Variants in CDH13 observed in about 807,000 individuals in gnomAD.
The protein encoded by CDH13 is cadherin-13.
Under a neutral mutation model 63.8 loss-of-function variants are expected in CDH13, and 24 were observed. That is an observed-to-expected ratio of 0.38 (90% CI 0.27 to 0.53). The LOEUF is 0.53. Among genes scored for constraint, CDH13 ranks in the 20% least tolerant of loss-of-function variants. CDH13 has a pLI of 0.85. For missense variants in CDH13, 1,049 were observed against 903.1 expected, an observed-to-expected ratio of 1.16 and a Z score of -2.07; for synonymous variants, 503 against 355.3, an observed-to-expected ratio of 1.42 and a Z score of -4.67.
At chr16:83,198,352 C>A (rs2038935126) in intron 4 of CDH13, among the ~76,000 whole-genome samples, 2 of 150,454 alleles carry the variant, frequency 1.3e-5, no homozygotes, top group Admixed American at 1.3e-4. Context: ...CACACACACA[C>A]AATCATGACC....
intron 7 of CDH13, among the ~76,000 whole-genome samples, chr16:83,563,058 C>A (rs539611940): frequency 6.6e-6 from 1 of 152,198 alleles, no homozygotes; most frequent in Non-Finnish European, 1.5e-5. Flanking sequence ...CTACAAGATT[C>A]CTTTCATGAT....
At chr16:83,629,955 C>T (rs1910634003) in intron 8 of CDH13, among the ~76,000 whole-genome samples, 1 of 152,232 alleles carries the variant, frequency 6.6e-6, no homozygotes, top group South Asian at 2.1e-4. Flanking sequence ...ACGTCAGTAA[C>T]AGAAATGTAT....
At chr16:83,233,978 C>A (rs1007271346) in intron 5 of CDH13, among the ~76,000 whole-genome samples, 7 of 152,142 alleles carry the variant, frequency 4.6e-5, no homozygotes, top group African/African-American at 1.7e-4. Context: ...TGATCTTAAC[C>A]TTTGACCCCA....
chr16:83,107,454 G>C (rs746655031), intron 3 of CDH13, among the ~76,000 whole-genome samples: 2 of 152,218 alleles, frequency 1.3e-5, no homozygotes, highest in Non-Finnish European at 2.9e-5. Flanking sequence ...CTTGGAGATT[G>C]ACACACTATC....
intron 1 of CDH13, among the ~76,000 whole-genome samples, chr16:82,694,248 C>T (rs535541716): frequency 7.9e-5 from 12 of 152,082 alleles, no homozygotes; most frequent in Non-Finnish European, 1.3e-4. Flanking sequence ...TTCTGTCCTG[C>T]AATAAAAAGT....
At chr16:82,856,389 A>AGAAAG (rs1567604742) in intron 1 of CDH13, among the ~76,000 whole-genome samples, 1 of 24,272 alleles carries the variant, frequency 4.1e-5, no homozygotes, top group East Asian at 3.1e-4. Context: ...AAAAAAAAAA[A>AGAAAG]GAAAAGAAAA....
intron 4 of CDH13, among the ~76,000 whole-genome samples, chr16:83,139,651 G>A (rs1433241306): frequency 6.6e-6 from 1 of 151,888 alleles, no homozygotes; most frequent in African/African-American, 2.4e-5. Flanking sequence ...CTTATTATAA[G>A]AGTAATATGT....
At chr16:82,725,479 C>G (rs969065161) in intron 1 of CDH13, among the ~76,000 whole-genome samples, 1 of 152,142 alleles carries the variant, frequency 6.6e-6, no homozygotes, top group Non-Finnish European at 1.5e-5. Flanking sequence ...CCCCAGCTTT[C>G]TCATCTGAAA....
intron 2 of CDH13, among the ~76,000 whole-genome samples, chr16:82,883,242 C>A (rs1329632694): frequency 6.6e-6 from 1 of 152,210 alleles, no homozygotes; most frequent in African/African-American, 2.4e-5. Context: ...GCAGTGTCAT[C>A]TCATGATCTA....
At chr16:83,562,283 A>C (rs767749549) in intron 7 of CDH13, among the ~76,000 whole-genome samples, 2 of 152,164 alleles carry the variant, frequency 1.3e-5, no homozygotes, top group African/African-American at 2.4e-5. Context: ...GTCAGATAAT[A>C]AGAACTTTTC....
At chr16:83,105,131 T>C (rs2034701785) in intron 3 of CDH13, among the ~76,000 whole-genome samples, 1 of 152,224 alleles carries the variant, frequency 6.6e-6, no homozygotes. Context: ...AAGCCCAGCA[T>C]GCATTAGCTA....
chr16:83,422,868 G>A (rs774750573), intron 6 of CDH13, among the ~76,000 whole-genome samples: 1 of 152,090 alleles, frequency 6.6e-6, no homozygotes, highest in African/African-American at 2.4e-5. Flanking sequence ...AGAAATGTTG[G>A]GTAGGAACAA....
chr16:83,409,195 A>G (rs889719), intron 6 of CDH13, among the ~76,000 whole-genome samples: 151,513 of 152,168 alleles, frequency 1, 75,438 homozygotes, highest in Non-Finnish European at 1. Flanking sequence ...TCGTCCCACC[A>G]GGAAACAATA....
Position 83,064,896 on chromosome 16 carries a change from A to G in CDH13, c.366+32678A>G, listed in dbSNP as rs1172325463. Among the ~76,000 whole-genome samples, 5 of 152,278 alleles carry G rather than the reference A, an allele frequency of 3.3e-5. No individual in the cohort carries two copies. The South Asian group carries it at 6.2e-4, about 19-fold the overall frequency. ...TTGACTCTCTTAGTTATTTTGAAAT[A>G]TATAATACATTATTATTGACTGTAG... On this transcript the variant is annotated intron_variant, in intron 3 of 13. Coordinates refer to ENST00000567109, the MANE Select transcript of CDH13 (RefSeq NM_001257.5).
In CDH13 at chr16:83,286,106, G is replaced by A. The variant is rs140832023; in HGVS notation, c.637-58756G>A. ...TCCTTGTCTGGCAAGTCTGAGCAAC[G>A]TTCCTGCTTCAGCTCTCTCCCCAGT... On this transcript the variant is annotated intron_variant, in intron 5 of 13. Transcript: ENST00000567109. Among the ~76,000 whole-genome samples, 24 of 152,174 alleles carry A rather than the reference G, an allele frequency of 1.6e-4. No individual in the cohort carries two copies. In the East Asian group the frequency reaches 4.7e-3, roughly 30 times the overall value.
intron 10 of CDH13, among the ~76,000 whole-genome samples, chr16:83,747,233 C>A (rs1414904424): frequency 6.6e-6 from 1 of 152,172 alleles, no homozygotes; most frequent in Non-Finnish European, 1.5e-5. Context: ...TGTCCTCACC[C>A]AAGTCTCATC....
intron 1 of CDH13, among the ~76,000 whole-genome samples, chr16:82,812,752 G>A (rs923077660): frequency 6.6e-6 from 1 of 152,052 alleles, no homozygotes; most frequent in Non-Finnish European, 1.5e-5. Context: ...GGTGGATGTA[G>A]AGAAAACAAA....
intron 7 of CDH13, among the ~76,000 whole-genome samples, chr16:83,593,058 G>T (rs185219108): frequency 6.6e-6 from 1 of 152,150 alleles, no homozygotes; most frequent in Admixed American, 6.5e-5. Context: ...ACAACAACTC[G>T]TTCTGCTTCA....
chr16:83,006,522 G>T (rs1913514451), intron 2 of CDH13, among the ~76,000 whole-genome samples: 2 of 152,080 alleles, frequency 1.3e-5, no homozygotes, highest in South Asian at 2.1e-4. Flanking sequence ...GCGCTTGACT[G>T]CTCAGTGCAG....
Sources: gnomAD v4.1 joint callset for allele counts (sites outside exome capture counted in the v4.1 genomes callset) on GRCh38, gnomAD v4.1.1 for gene constraint, MANE v1.5 for transcripts, NCBI Gene and HGNC (gene_info 2026-07-23, HGNC 2026-07-21) for gene names.